The following FNBP1 variants were observed in gnomAD, a reference collection of about 807,000 sequenced individuals.
FNBP1 encodes formin-binding protein 1.
FNBP1 carries 26 observed loss-of-function variants against 90.6 expected under a neutral mutation model. The observed-to-expected ratio is 0.29, with a 90% CI of 0.21 to 0.40. The LOEUF is 0.40. Ranked by LOEUF, FNBP1 falls within the 10% of genes least tolerant of loss-of-function variation. FNBP1 has a pLI of 1.00. For missense variants in FNBP1, 635 were observed against 768.0 expected, an observed-to-expected ratio of 0.83 and a Z score of 2.05; for synonymous variants, 260 against 265.2, an observed-to-expected ratio of 0.98 and a Z score of 0.19.
At chr9:129,911,628 T>TA in intron 11 of FNBP1, among the ~76,000 whole-genome samples, 1 of 152,094 alleles carries the variant, frequency 6.6e-6, no homozygotes, top group Non-Finnish European at 1.5e-5. Context: ...TAATATCCTT[T>TA]GTAATAAACC....
intron 7 of FNBP1, among the ~76,000 whole-genome samples, chr9:129,927,962 A>G (rs2042167813): frequency 6.6e-6 from 1 of 152,020 alleles, no homozygotes; most frequent in South Asian, 2.1e-4. Flanking sequence ...TCTACCTCAA[A>G]CGTTTTCTCC....
intron 4 of FNBP1, among the ~76,000 whole-genome samples, chr9:129,969,701 G>A (rs546688989): frequency 6.6e-6 from 1 of 151,838 alleles, no homozygotes; most frequent in East Asian, 1.9e-4. Context: ...CTTGAGCCCA[G>A]GAGTTCAAGA....
At chr9:129,944,961 C>T (rs1172704113) in intron 6 of FNBP1, among the ~76,000 whole-genome samples, 1 of 152,068 alleles carries the variant, frequency 6.6e-6, no homozygotes, top group Non-Finnish European at 1.5e-5. Context: ...TACTAAGTGC[C>T]AAGTGTTGAA....
At chr9:129,894,869 G>C (rs1053176003) in intron 16 of FNBP1, among the ~76,000 whole-genome samples, 5 of 152,258 alleles carry the variant, frequency 3.3e-5, no homozygotes, top group Admixed American at 6.5e-5. Context: ...AGACCAGCCT[G>C]GCCAACAGAG....
At chr9:129,984,730 C>T (rs767114299) in intron 2 of FNBP1, among the ~76,000 whole-genome samples, 6 of 151,958 alleles carry the variant, frequency 3.9e-5, no homozygotes, top group South Asian at 2.1e-4. Context: ...GTAATTGAAT[C>T]ATGGGGGGGG....
At chr9:129,970,494 C>T (rs780019506) in intron 4 of FNBP1, among the ~76,000 whole-genome samples, 11 of 152,254 alleles carry the variant, frequency 7.2e-5, no homozygotes, top group Non-Finnish European at 1.3e-4. Flanking sequence ...GCATAAGACA[C>T]TGCGCCCAGC....
At chr9:129,897,381 G>C (rs1169771294) in intron 15 of FNBP1, among the ~76,000 whole-genome samples, 1 of 152,058 alleles carries the variant, frequency 6.6e-6, no homozygotes, top group African/African-American at 2.4e-5. Context: ...GGGATGGTTG[G>C]AATATGAAGT....
At chr9:129,895,026 G>A (rs2035502513) in intron 16 of FNBP1, among the ~76,000 whole-genome samples, 1 of 152,066 alleles carries the variant, frequency 6.6e-6, no homozygotes, top group East Asian at 1.9e-4. Context: ...TCCAGCCTGG[G>A]CAACAGAGCC....
Position 130,017,826 on chromosome 9 carries a change from T to A in FNBP1, c.25-22868A>T, listed in dbSNP as rs182761416. Among the ~76,000 whole-genome samples the A allele has an allele frequency of 2.5e-4, 34 of 137,232 alleles. 1 individual carries two copies. In the East Asian group the frequency reaches 7.8e-3, roughly 31 times the overall value. The allele number at this position is 137,232 out of a possible 152,430, so 90.0% of individuals were successfully genotyped here. A position where few individuals can be genotyped will look rare whatever the true frequency, so the allele number is the denominator to read the frequency against. ...GCCCGGGTGACAGAGTGAGACTCCA[T>A]CAAAAAAATAAAAAACAATGGACAT... On this transcript the variant is annotated intron_variant, in intron 1 of 16. Coordinates refer to ENST00000446176, the MANE Select transcript of FNBP1 (RefSeq NM_015033.3).
At chr9:130,008,536 G>T (rs1271279403) in intron 1 of FNBP1, among the ~76,000 whole-genome samples, 1 of 152,126 alleles carries the variant, frequency 6.6e-6, no homozygotes, top group African/African-American at 2.4e-5. Flanking sequence ...ATGAAAGATC[G>T]ACGCTAATCT....
At chr9:129,907,580 G>GGTGTGTGTGTGTGTGTGTGT (rs55973122) in intron 12 of FNBP1, among the ~76,000 whole-genome samples, 1 of 147,108 alleles carries the variant, frequency 6.8e-6, no homozygotes, top group African/African-American at 2.5e-5. Context: ...TAGGAGTGAG[G>GGTGTGTGTGTGTGTGTGTGT]GTGTGTGTGT....
At chr9:129,911,729 G>A (rs574421303) in intron 11 of FNBP1, among the ~76,000 whole-genome samples, 1 of 152,098 alleles carries the variant, frequency 6.6e-6, no homozygotes, top group Admixed American at 6.5e-5. Flanking sequence ...TCAGGAGCTC[G>A]AAACCAGCCT....
chr9:129,957,430 G>A lies in FNBP1; in HGVS notation c.443C>T (p.Ala148Val), dbSNP rs748956413. 2.5e-6 allele frequency: 4 copies of A among 1,613,578 alleles called. No individual in the cohort carries two copies. The highest frequency in any genetic ancestry group is 3.3e-5 in the Admixed American group (2 of 59,972). ...CTCAAAGTACTGCTGCGCCCTGTCCGCCTCTTTGCAATCGCGTTCAAATCG... is the reference window on the plus strand; with the variant it reads ...CTCAAAGTACTGCTGCGCCCTGTCCACCTCTTTGCAATCGCGTTCAAATCG... ...KRRFERDCKEADRAQQYFEKM... is the reference protein window; with the variant it reads ...KRRFERDCKEVDRAQQYFEKM... Residue 148 changes from alanine to valine, a missense_variant, in exon 6 of 17, where the codon GCG becomes GTG. Transcript: ENST00000446176. The surrounding 1 kb of genome is among the most constrained non-coding windows in gnomAD (Gnocchi z 4.3).
chr9:129,908,797 C>G, intron 12 of FNBP1, 93 bp downstream of exon 12: 1 of 757,528 alleles, frequency 1.3e-6, no homozygotes, highest in East Asian at 2.8e-5. Flanking sequence ...AGGTGATCCA[C>G]CCACCGCAGC....
chr9:129,957,510 G>T lies in FNBP1; in HGVS notation c.409-46C>A. On this transcript the variant is annotated intron_variant, in intron 5 of 16. Transcript: ENST00000446176. The surrounding 1 kb of genome is among the most constrained non-coding windows in gnomAD (Gnocchi z 4.3). ...TTATGAAACCATAAGAGTCCTACGA[G>T]AAGATGTAATTTTATCTAAAGCTCC... The T allele has an allele frequency of 7.3e-7, 1 of 1,377,688 alleles. No individual in the cohort carries two copies. Among genetic ancestry groups the T allele is most frequent in the Non-Finnish European group, 1.0e-6 (1 of 976,998 alleles). 85.3% of individuals were successfully genotyped at this position (1,377,688 alleles called of 1,614,324 possible).
chr9:129,972,386 G>A (rs1222566060), intron 4 of FNBP1, among the ~76,000 whole-genome samples: 2 of 152,068 alleles, frequency 1.3e-5, no homozygotes, highest in East Asian at 1.9e-4. Context: ...CACTCGCCTC[G>A]GCCTCCCAGA....
At chr9:129,978,858 T>C (rs1453941797) in intron 3 of FNBP1, among the ~76,000 whole-genome samples, 1 of 152,216 alleles carries the variant, frequency 6.6e-6, no homozygotes, top group African/African-American at 2.4e-5. Context: ...CATTGATACT[T>C]AGTCAAGATA....
At chr9:129,984,820 G>T (rs976734376) in intron 2 of FNBP1, among the ~76,000 whole-genome samples, 2 of 152,000 alleles carry the variant, frequency 1.3e-5, no homozygotes, top group Non-Finnish European at 2.9e-5. Context: ...TTCCGATTTT[G>T]CTTCTTCCTC....
At chr9:129,919,132 T>A (rs2131775812) in intron 10 of FNBP1, 1 of 1,114,972 alleles carries the variant, frequency 9.0e-7, no homozygotes, top group Non-Finnish European at 1.2e-6. Flanking sequence ...CATGACTGTA[T>A]GACCTGGCCA....
Sources: gnomAD v4.1 joint callset for allele counts (sites outside exome capture counted in the v4.1 genomes callset) on GRCh38, gnomAD v4.1.1 for gene constraint, Gnocchi (gnomAD v3.1) non-coding constraint, MANE v1.5 for transcripts, NCBI Gene and HGNC (gene_info 2026-07-23, HGNC 2026-07-21) for gene names.